The following SERINC5 variants were observed in gnomAD, a reference collection of about 807,000 sequenced individuals.
The protein encoded by SERINC5 is chromosome 5 open reading frame 12.
A neutral mutation model predicts 63.1 loss-of-function variants in SERINC5; 41 were observed. The observed-to-expected ratio is 0.65, with a 90% CI of 0.51 to 0.84. SERINC5 has a LOEUF of 0.84. SERINC5 is among the 40% of genes least tolerant of loss of function. The pLI is 0.00. For missense variants in SERINC5, 523 were observed against 573.0 expected (o/e 0.91, Z 0.89); for synonymous variants, 222 against 215.2 (o/e 1.03, Z -0.28).
At chr5:80,225,842 A>G (rs183859401) in intron 1 of SERINC5, among the ~76,000 whole-genome samples, 18 of 152,312 alleles carry the variant, frequency 1.2e-4, no homozygotes, top group Admixed American at 1.2e-3. Flanking sequence ...ACGTTCAACA[A>G]TTTAAGGAGG....
At chr5:80,253,412 C>T (rs2112622435) in intron 1 of SERINC5, among the ~76,000 whole-genome samples, 2 of 152,316 alleles carry the variant, frequency 1.3e-5, no homozygotes, top group South Asian at 4.1e-4. Flanking sequence ...ACTCGAACTG[C>T]TTTCCTCACC....
intron 1 of SERINC5, among the ~76,000 whole-genome samples, chr5:80,241,253 G>A (rs567985621): frequency 0.01 from 1,084 of 105,236 alleles, 13 homozygotes; most frequent in African/African-American, 0.043. Context: ...GGCGGATCAC[G>A]AGGTCAGGAG....
chr5:80,239,031 C>T (rs1549128), intron 1 of SERINC5, among the ~76,000 whole-genome samples: 70,788 of 151,922 alleles, frequency 0.47, 16,796 homozygotes, highest in African/African-American at 0.54. Context: ...TGTGAGCTGA[C>T]TAGCTGTGTG....
At chr5:80,182,599 G>T (rs1368438688) in intron 2 of SERINC5, among the ~76,000 whole-genome samples, 1 of 147,042 alleles carries the variant, frequency 6.8e-6, no homozygotes, top group Non-Finnish European at 1.5e-5. Flanking sequence ...AGGCTGGAGT[G>T]CAGTGGCGCA....
intron 5 of SERINC5, among the ~76,000 whole-genome samples, chr5:80,172,779 AC>A (rs573979730): frequency 8.9e-4 from 136 of 152,262 alleles, no homozygotes; most frequent in African/African-American, 3.2e-3. Flanking sequence ...AAAGGTAAAC[AC>A]TGCTGACTGG....
rs541040550 is a variant in SERINC5 at position 80,210,512 on chromosome 5, T to C, written c.28-7459A>G. ...TGCTCACAGAAACATGAGCTAGGGC[T>C]GGTAGTAACTTCCAAGTACTACTTC... On this transcript the variant is annotated intron_variant, in intron 1 of 11. Transcript: ENST00000507668. 3.3e-5 allele frequency among the ~76,000 whole-genome samples: 5 copies of C among 152,332 alleles called. No homozygotes were observed. The South Asian group carries it at 1.0e-3, about 32-fold the overall frequency.
intron 1 of SERINC5, among the ~76,000 whole-genome samples, chr5:80,209,510 C>G (rs1750333061): frequency 1.3e-5 from 2 of 152,210 alleles, no homozygotes; most frequent in African/African-American, 4.8e-5. Flanking sequence ...GTCAGTGTGA[C>G]TTTGTTATGG....
intron 5 of SERINC5, among the ~76,000 whole-genome samples, chr5:80,173,252 A>T (rs1048012376): frequency 2.1e-5 from 3 of 146,242 alleles, no homozygotes; most frequent in South Asian, 4.2e-4. Context: ...GAAGGAAGGA[A>T]GGAAGGAAGG....
chr5:80,213,679 T>G (rs1750536847), intron 1 of SERINC5, among the ~76,000 whole-genome samples: 1 of 152,194 alleles, frequency 6.6e-6, no homozygotes, highest in South Asian at 2.1e-4. Context: ...TGCCCCTTCC[T>G]GTCTCCCATG....
chr5:80,127,168 C>T (rs1190961930), intron 11 of SERINC5, among the ~76,000 whole-genome samples: 1 of 152,186 alleles, frequency 6.6e-6, no homozygotes, highest in Non-Finnish European at 1.5e-5. Context: ...AATACTTCCC[C>T]ACTTCATTGC....
rs55893446 is a variant in SERINC5, at chr5:80,173,542, G to C, written c.551+1412C>G. Among the ~76,000 whole-genome samples, 850 of 152,302 alleles carry C rather than the reference G, an allele frequency of 5.6e-3. 4 individuals are homozygous for C. The highest frequency in any genetic ancestry group is 0.02 in the African/African-American group (823 of 41,572). On this transcript the variant is annotated intron_variant, in intron 5 of 11. Coordinates refer to ENST00000507668, the MANE Select transcript of SERINC5 (RefSeq NM_001174072.3). ...ACCCGGGAGGCGGAGCTTGCAGTGA[G>C]CCGAGATTGTGCCACTGCACTCCAG... is the stretch of plus-strand genomic sequence containing the variant.
chr5:80,212,762 C>A (rs553466982), intron 1 of SERINC5, among the ~76,000 whole-genome samples: 1 of 152,074 alleles, frequency 6.6e-6, no homozygotes, highest in South Asian at 2.1e-4. Flanking sequence ...AACTTAAAAG[C>A]TAGAAGAACG....
At chr5:80,240,789 C>G (rs573336237) in intron 1 of SERINC5, among the ~76,000 whole-genome samples, 5 of 152,194 alleles carry the variant, frequency 3.3e-5, no homozygotes, top group Admixed American at 2.0e-4. Context: ...CCCACCTCAT[C>G]CCCCTGCCGA....
At chr5:80,186,837 G>A (rs758551117) in intron 2 of SERINC5, among the ~76,000 whole-genome samples, 2 of 152,140 alleles carry the variant, frequency 1.3e-5, no homozygotes, top group Non-Finnish European at 2.9e-5. Context: ...TTGTAGTTGT[G>A]TAATCGTGTT....
intron 2 of SERINC5, among the ~76,000 whole-genome samples, chr5:80,191,027 GCAGACCAGA>G (rs1274694394): frequency 6.6e-6 from 1 of 151,862 alleles, no homozygotes; most frequent in Non-Finnish European, 1.5e-5. Context: ...CTAGGCCCCA[GCAGACCAGA>G]CCGAACCAAA....
chr5:80,186,126 GAAAAAAAAAAAAA>G (rs10554934), intron 2 of SERINC5, among the ~76,000 whole-genome samples: 1,350 of 61,478 alleles, frequency 0.022, 51 homozygotes, highest in African/African-American at 0.065. Context: ...TTCTTGTTTT[GAAAAAAAAAAAAA>G]AAAAAAAAAA....
Position 80,141,452 on chromosome 5 carries a change from C to T in SERINC5, c.*2211G>A, listed in dbSNP as rs1192385880. On this transcript the variant is annotated 3_prime_UTR_variant, in exon 12 of 12. Transcript: ENST00000507668. ...GGCCTTGTCAGCTGGACCTTGACTG[C>T]GCGTAAGGTCAGTTTCTCAAATCAC... 5.1e-6 allele frequency: 5 copies of T among 983,042 alleles called. No homozygotes were observed. The highest frequency in any genetic ancestry group is 6.0e-6 in the Non-Finnish European group (5 of 829,980). The allele number at this position is 983,042 out of a possible 1,614,324, so 60.9% of individuals were successfully genotyped here.
intron 2 of SERINC5, among the ~76,000 whole-genome samples, chr5:80,181,532 G>T (rs534115794): frequency 2.0e-5 from 3 of 151,966 alleles, no homozygotes; most frequent in Non-Finnish European, 4.4e-5. Flanking sequence ...CAAAGTGCTG[G>T]GATTACAGGT....
rs1459199274 is a variant in SERINC5, at chr5:80,115,451, TCA to T, written c.1239-1828_1239-1827del. ...TATTAATTCAATCTTTTTTGAATTC[TCA>T]GTTTTCAGTATATTTCTCTTCAGGC... On this transcript the variant is annotated intron_variant, in intron 11 of 12. Coordinates refer to the SERINC5 transcript ENST00000509193. Among the ~76,000 whole-genome samples, 7 of 152,080 alleles carry T rather than the reference TCA, an allele frequency of 4.6e-5. 1 individual carries two copies. The highest frequency in any genetic ancestry group is 1.7e-4 in the African/African-American group (7 of 41,316).
Sources: allele counts gnomAD v4.1 joint callset (sites outside exome capture counted in the v4.1 genomes callset), GRCh38; gene constraint gnomAD v4.1.1; transcripts MANE v1.5; gene names NCBI Gene and HGNC (gene_info 2026-07-23, HGNC 2026-07-21).